ATG16L1: variants seen among roughly 807,000 people sequenced by gnomAD.
ATG16L1 encodes autophagy related 16 like 1.
In ATG16L1, 37 loss-of-function variants were observed where a neutral mutation model predicts 88.5. That is an observed-to-expected ratio of 0.42 (90% CI 0.32 to 0.55). ATG16L1 has a LOEUF of 0.55. Ranked by LOEUF, ATG16L1 falls within the 20% of genes least tolerant of loss-of-function variation. The pLI is 0.13. For missense variants in ATG16L1, 554 were observed against 752.8 expected, an observed-to-expected ratio of 0.74 and a Z score of 3.09; for synonymous variants, 301 against 281.0, an observed-to-expected ratio of 1.07 and a Z score of -0.71.
chr2:233,286,366 G>A (rs1419206330), intron 12 of ATG16L1, among the ~76,000 whole-genome samples: 1 of 152,078 alleles, frequency 6.6e-6, no homozygotes, highest in African/African-American at 2.4e-5. Context: ...CCGCTGCCCC[G>A]CTATTGTTAA....
At chr2:233,270,502 G>A (rs570371670) in intron 6 of ATG16L1, among the ~76,000 whole-genome samples, 80 of 152,328 alleles carry the variant, frequency 5.3e-4, no homozygotes, top group African/African-American at 1.9e-3. Flanking sequence ...TTCATCAGCT[G>A]TGAATGTGAA....
chr2:233,254,816 A>C (rs1370752915), intron 1 of ATG16L1, among the ~76,000 whole-genome samples: 1 of 152,122 alleles, frequency 6.6e-6, no homozygotes, highest in Non-Finnish European at 1.5e-5. Context: ...GGGACTCAAA[A>C]CTCTTTAAAA....
chr2:233,287,183 C>G (rs1010984280), intron 12 of ATG16L1, among the ~76,000 whole-genome samples: 6 of 152,152 alleles, frequency 3.9e-5, no homozygotes, highest in African/African-American at 1.4e-4. Flanking sequence ...GTTTCCTGTT[C>G]ACAGATGTTA....
At chr2:233,262,229 C>T (rs568687894) in intron 2 of ATG16L1, among the ~76,000 whole-genome samples, 38 of 152,270 alleles carry the variant, frequency 2.5e-4, no homozygotes, top group Middle Eastern at 3.4e-3. Flanking sequence ...AGAATCAGAC[C>T]GTATCTCACC....
Position 233,282,665 on chromosome 2 carries a change from C to T in ATG16L1, c.1132-17C>T. On this transcript the variant is annotated splice_polypyrimidine_tract_variant and intron_variant, in intron 11 of 17. Coordinates refer to ENST00000392017, the MANE Select transcript of ATG16L1 (RefSeq NM_030803.7). The stretch of plus-strand genomic sequence containing the variant: ...GATTTGGCTAAAAATTGGTTTTCCT[C>T]TTCTTTATTCCCACAGGGATCTTAC... The T allele has an allele frequency of 6.2e-7, 1 of 1,613,154 alleles. No individual in the cohort carries two copies. The highest frequency in any genetic ancestry group is 8.5e-7 in the Non-Finnish European group (1 of 1,179,280).
At chr2:233,269,509 T>C (rs143495229) in intron 5 of ATG16L1, among the ~76,000 whole-genome samples, 1 of 152,336 alleles carries the variant, frequency 6.6e-6, no homozygotes, top group African/African-American at 2.4e-5. Context: ...CAACTGAATT[T>C]CATATTTAGA....
At chr2:233,254,054 C>T (rs1696607766) in intron 1 of ATG16L1, among the ~76,000 whole-genome samples, 1 of 152,208 alleles carries the variant, frequency 6.6e-6, no homozygotes, top group Admixed American at 6.5e-5. Context: ...TTCATAAAAA[C>T]AGTGCTGTGC....
chr2:233,273,285 A>G, intron 7 of ATG16L1: 1 of 540,044 alleles, frequency 1.9e-6, no homozygotes, highest in Admixed American at 3.4e-5. Flanking sequence ...AAAAAAATGT[A>G]GTGGCTTACT....
intron 6 of ATG16L1, among the ~76,000 whole-genome samples, chr2:233,271,763 C>T (rs1016893554): frequency 1.3e-5 from 2 of 152,244 alleles, no homozygotes; most frequent in Non-Finnish European, 2.9e-5. Context: ...AGGCTCAGCT[C>T]ATATTTGCAG....
intron 2 of ATG16L1, among the ~76,000 whole-genome samples, chr2:233,262,029 A>G (rs1474761850): frequency 6.6e-6 from 1 of 152,148 alleles, no homozygotes; most frequent in East Asian, 1.9e-4. Context: ...TTGAATGGCC[A>G]CAAACGAACT....
chr2:233,288,236 C>T (rs757924962), intron 12 of ATG16L1, among the ~76,000 whole-genome samples: 2 of 152,076 alleles, frequency 1.3e-5, no homozygotes, highest in Non-Finnish European at 2.9e-5. Flanking sequence ...GAGTTAACCC[C>T]ACTGAAAATA....
intron 10 of ATG16L1, among the ~76,000 whole-genome samples, chr2:233,278,897 C>T (rs1254738102): frequency 1.3e-5 from 2 of 152,056 alleles, no homozygotes; most frequent in African/African-American, 4.8e-5. Context: ...AATTAGAAAA[C>T]AATAATAAAA....
In ATG16L1 at chr2:233,274,623, A is replaced by G. The variant is rs560791185; in HGVS notation, c.852-53A>G. 44 of 1,385,864 alleles carry G rather than the reference A, an allele frequency of 3.2e-5. No individual in the cohort carries two copies. In the East Asian group the frequency reaches 7.9e-4, roughly 25 times the overall value. The allele number at this position is 1,385,864 out of a possible 1,614,324, so 85.8% of individuals were successfully genotyped here. ...TGGAGTCCTTTCTAACAATTTGATGAGCAGTAAACCTCTGCAATCCTGTCT... is the reference window on the plus strand; with the variant it reads ...TGGAGTCCTTTCTAACAATTTGATGGGCAGTAAACCTCTGCAATCCTGTCT... On this transcript the variant is annotated intron_variant, in intron 8 of 17. Coordinates refer to ENST00000392017, the MANE Select transcript of ATG16L1 (RefSeq NM_030803.7).
chr2:233,293,161 G>A, intron 16 of ATG16L1, 95 bp from the exon 17 acceptor site: 1 of 1,093,286 alleles, frequency 9.1e-7, no homozygotes, highest in Non-Finnish European at 1.4e-6. Context: ...GGTCATCAGT[G>A]AAGAACAAAC....
chr2:233,252,426 G>T (rs1363102294), intron 1 of ATG16L1, among the ~76,000 whole-genome samples: 1 of 151,934 alleles, frequency 6.6e-6, no homozygotes, highest in African/African-American at 2.4e-5. Context: ...GTGTCGCCGA[G>T]CCTGGAGTGC....
chr2:233,252,946 A>G (rs116715576), intron 1 of ATG16L1, among the ~76,000 whole-genome samples: 3,189 of 152,258 alleles, frequency 0.021, 118 homozygotes, highest in African/African-American at 0.073. Context: ...TTGCATTCTG[A>G]TTGTGCAAAA....
At chr2:233,258,752 A>G (rs535360317) in intron 2 of ATG16L1, among the ~76,000 whole-genome samples, 1 of 152,194 alleles carries the variant, frequency 6.6e-6, no homozygotes, top group Non-Finnish European at 1.5e-5. Flanking sequence ...GCTGGAGTGC[A>G]GTGGCATGAT....
chr2:233,293,993 G>C (rs1250948729), intron 17 of ATG16L1, among the ~76,000 whole-genome samples: 1 of 152,214 alleles, frequency 6.6e-6, no homozygotes, highest in African/African-American at 2.4e-5. Flanking sequence ...TCCTCTCTTA[G>C]GGAGAGTGTG....
At chr2:233,292,834 C>G (rs1460653192) in intron 16 of ATG16L1, among the ~76,000 whole-genome samples, 1 of 152,224 alleles carries the variant, frequency 6.6e-6, no homozygotes, top group Non-Finnish European at 1.5e-5. Context: ...GCTCCTTGTT[C>G]CCTTCTTCCA....
Sources: gnomAD v4.1 joint callset for allele counts (sites outside exome capture counted in the v4.1 genomes callset) on GRCh38, gnomAD v4.1.1 for gene constraint, MANE v1.5 for transcripts, NCBI Gene and HGNC (gene_info 2026-07-23, HGNC 2026-07-21) for gene names.